The following ZBTB26 variants were observed in gnomAD, a reference collection of about 807,000 sequenced individuals.
ZBTB26 encodes zinc finger and BTB domain containing 26, also known as zinc finger and BTB domain-containing protein 26.
Under a neutral mutation model 31.6 loss-of-function variants are expected in ZBTB26, and 12 were observed. That is an observed-to-expected ratio of 0.38 (90% CI 0.24 to 0.61). ZBTB26 has a LOEUF of 0.61. Ranked by LOEUF, ZBTB26 falls within the 20% of genes least tolerant of loss-of-function variation. ZBTB26 has a pLI of 0.60. For missense variants in ZBTB26, 311 were observed against 521.9 expected (o/e 0.60, Z 3.94); for synonymous variants, 155 against 182.9 (o/e 0.85, Z 1.23).
rs1253143237 is a variant in ZBTB26, at chr9:122,916,082, A to G, written c.*2527T>C. The G allele has an allele frequency of 1.3e-5, 2 of 152,232 alleles. No individual in the cohort carries two copies. The highest frequency in any genetic ancestry group is 2.4e-5 in the African/African-American group (1 of 41,464). The allele number at this position is 152,232 out of a possible 1,614,324, so 9.4% of individuals were successfully genotyped here. A position where few individuals can be genotyped will look rare whatever the true frequency, so the allele number is the denominator to read the frequency against. ...AGAAGGAGGAAAGTGAAGTTCCACA[A>G]AAATTAGAAAAATGTCTCACAGAAA... On this transcript the variant is annotated 3_prime_UTR_variant, in exon 2 of 2. Transcript: ENST00000373656.
chr9:122,924,615 C>CTTTTTTTTTTTTTT lies in ZBTB26; in HGVS notation c.-10-4672_-10-4671insAAAAAAAAAAAAAA, dbSNP rs1554778683. Among the ~76,000 whole-genome samples, 2 of 9,366 alleles carry CTTTTTTTTTTTTTT rather than the reference C, an allele frequency of 2.1e-4. 1 individual carries two copies. The highest frequency in any genetic ancestry group is 1.3e-3 in the Non-Finnish European group (2 of 1,558). The allele number at this position is 9,366 out of a possible 152,430, so 6.1% of individuals were successfully genotyped here. A position where few individuals can be genotyped will look rare whatever the true frequency, so the allele number is the denominator to read the frequency against. Reference sequence around the variant, plus strand: ...TTGGCAATATAAAACCAAATTTCAACTTTCTTTTTTTTTTTTTTTTTTGAG... The same window carrying CTTTTTTTTTTTTTT: ...TTGGCAATATAAAACCAAATTTCAACTTTTTTTTTTTTTTTTTCTTTTTTTTTTTTTTTTTTGAG... On this transcript the variant is annotated intron_variant, in intron 1 of 1. Transcript: ENST00000373656.
In ZBTB26 at chr9:122,919,101, A is replaced by G. The variant is rs911307681; in HGVS notation, c.834T>C (p.Cys278=). 2 of 1,614,220 alleles carry G rather than the reference A, an allele frequency of 1.2e-6. No individual in the cohort carries two copies. Among genetic ancestry groups the G allele is most frequent in the Non-Finnish European group, 1.7e-6 (2 of 1,180,024 alleles). Residue 278 remains cysteine, a synonymous_variant, in exon 2 of 2, where the codon TGT becomes TGC. Transcript: ENST00000373656. The surrounding 1 kb of genome is among the most constrained non-coding windows in gnomAD (Gnocchi z 6.1). ...GLQWHHQCPK[C]TRVFRHLENY... ...TCTCCAGGTGACGAAACACCCTGGT[A>G]CACTTTGGGCACTGGTGATGCCACT...
In ZBTB26 at chr9:122,916,577, A is replaced by G. The variant is rs1293847254; in HGVS notation, c.*2032T>C. On this transcript the variant is annotated 3_prime_UTR_variant, in exon 2 of 2. Transcript: ENST00000373656. ...TGTGAAGAAATGATGTTGACAGAAA[A>G]TACCAAAAAATGCTGTTTGGTTGAC... 6.6e-6 allele frequency: 1 copy of G among 152,210 alleles called. No homozygotes were observed. Among genetic ancestry groups the G allele is most frequent in the Non-Finnish European group, 1.5e-5 (1 of 68,038 alleles). 9.4% of individuals were successfully genotyped at this position (152,210 alleles called of 1,614,324 possible). A position where few individuals can be genotyped will look rare whatever the true frequency, so the allele number is the denominator to read the frequency against.
At position 122,931,444 on chromosome 9, in the gene ZBTB26, G is replaced by A. The variant is rs751633893; in HGVS notation, c.-18C>T. On this transcript the variant is annotated 5_prime_UTR_variant, in exon 1 of 2. Coordinates refer to ENST00000373656, the MANE Select transcript of ZBTB26 (RefSeq NM_020924.4). ...GGCCGTCTCCGCACTTACAGACCCG[G>A]GGGAAGGCCGCCGTCAGGATCCGGC... 5.2e-5 allele frequency: 8 copies of A among 152,732 alleles called. No homozygotes were observed. The highest frequency in any genetic ancestry group is 8.8e-5 in the Non-Finnish European group (6 of 68,364). The allele number at this position is 152,732 out of a possible 1,614,324, so 9.5% of individuals were successfully genotyped here.
chr9:122,929,515 C>G (rs1222622640), intron 1 of ZBTB26, among the ~76,000 whole-genome samples: 1 of 152,168 alleles, frequency 6.6e-6, no homozygotes, highest in Non-Finnish European at 1.5e-5. Context: ...TGTGTAAACT[C>G]AAACCACTCT....
intron 1 of ZBTB26, among the ~76,000 whole-genome samples, chr9:122,930,364 C>T (rs984056805): frequency 2.0e-5 from 3 of 152,200 alleles, no homozygotes; most frequent in African/African-American, 7.2e-5. Flanking sequence ...ACATAATCAT[C>T]TCCAGTATAT....
chr9:122,931,113 G>A (rs1833274932), intron 1 of ZBTB26: 2 of 152,360 alleles, frequency 1.3e-5, no homozygotes, highest in Middle Eastern at 3.4e-3. Flanking sequence ...GCTGGCTCCC[G>A]AGGCTCGTTT....
At position 122,918,555 on chromosome 9, in the gene ZBTB26, T is replaced by TA. The variant is rs1833048905; in HGVS notation, c.*53dup. The TA allele has an allele frequency of 6.4e-7, 1 of 1,562,470 alleles. No individual in the cohort carries two copies. The highest frequency in any genetic ancestry group is 8.6e-7 in the Non-Finnish European group (1 of 1,157,936). ...CTAGCAAAATCACTCCTAAAAAGACTAAGACTATTGCCACATTGTCAGTCA... is the reference window on the plus strand; with the variant it reads ...CTAGCAAAATCACTCCTAAAAAGACTAAAGACTATTGCCACATTGTCAGTCA... On this transcript the variant is annotated 3_prime_UTR_variant, in exon 2 of 2. Transcript: ENST00000373656.
rs114146453 is a variant in ZBTB26, at chr9:122,918,778, T to C, written c.1157A>G (p.Asn386Ser). The C allele has an allele frequency of 3.7e-6, 6 of 1,614,228 alleles. No homozygotes were observed. Among genetic ancestry groups the C allele is most frequent in the East Asian group, 4.5e-5 (2 of 44,892 alleles). Residue 386 changes from asparagine to serine, a missense_variant, in exon 2 of 2, where the codon AAT (asparagine) becomes AGT (serine). This residue lies in a region of ZBTB26 where 49 missense variants were observed against 66.0 expected (regional missense o/e 0.74). Transcript: ENST00000373656. ...TGTGAGGTCTTGTACATTTCTCTCA[T>C]TGGCATTATCAAAGCTGTTTTTGCC... ...LHGKNSFDNA[N>S]ERNVQDLTVD...
chr9:122,928,942 C>T (rs1309627495), intron 1 of ZBTB26, among the ~76,000 whole-genome samples: 1 of 152,156 alleles, frequency 6.6e-6, no homozygotes, highest in Non-Finnish European at 1.5e-5. Flanking sequence ...AGAGAGACAA[C>T]AATAATATGG....
At chr9:122,920,056 C>A in intron 1 of ZBTB26, 112 bp from the exon 2 acceptor site, 1 of 1,248,078 alleles carries the variant, frequency 8.0e-7, no homozygotes, top group Non-Finnish European at 1.1e-6. Flanking sequence ...TTGTATGTAT[C>A]CAAATGAAAT....
intron 1 of ZBTB26, among the ~76,000 whole-genome samples, chr9:122,923,814 G>A (rs150525766): frequency 2.6e-3 from 394 of 152,246 alleles, no homozygotes; most frequent in African/African-American, 9.1e-3. Context: ...ATTTAGTCAT[G>A]TGTCATATGA....
intron 1 of ZBTB26, among the ~76,000 whole-genome samples, chr9:122,930,727 T>C (rs1833262388): frequency 6.6e-6 from 1 of 152,224 alleles, no homozygotes; most frequent in African/African-American, 2.4e-5. Flanking sequence ...ACACAAGTTA[T>C]GCTCAGTCAT....
In ZBTB26 at chr9:122,917,408, T is replaced by C. The variant is rs1833029117; in HGVS notation, c.*1201A>G. ...AATACTATTACCTAAATCTAACTCA[T>C]GGGTGAGAAACAAATAAGACTTAGA... On this transcript the variant is annotated 3_prime_UTR_variant, in exon 2 of 2. Coordinates refer to ENST00000373656, the MANE Select transcript of ZBTB26 (RefSeq NM_020924.4). The C allele has an allele frequency of 6.6e-6, 1 of 152,188 alleles. No homozygotes were observed. The highest frequency in any genetic ancestry group is 1.5e-5 in the Non-Finnish European group (1 of 68,040). 9.4% of individuals were successfully genotyped at this position (152,188 alleles called of 1,614,324 possible).
In ZBTB26 at chr9:122,919,776, T is replaced by G. The variant is rs1317689652; in HGVS notation, c.159A>C (p.Ala53=). The G allele has an allele frequency of 6.2e-7, 1 of 1,614,034 alleles. No individual in the cohort carries two copies. Among genetic ancestry groups the G allele is most frequent in the African/African-American group, 1.3e-5 (1 of 74,926 alleles). The change falls in exon 2 of 2, where the codon GCA becomes GCC. Residue 53 remains alanine (A), a synonymous_variant. Coordinates refer to ENST00000373656, the MANE Select transcript of ZBTB26 (RefSeq NM_020924.4). The surrounding 1 kb of genome is among the most constrained non-coding windows in gnomAD (Gnocchi z 6.1). ...ATTGGTCTCTTAAGAAGGGGGAACC[T>G]GCAGCAAACACAATTTTATGTCCCT... ...EVQGHKIVFA[A]GSPFLRDQFL...
chr9:122,919,272 T>G lies in ZBTB26; in HGVS notation c.663A>C (p.Ile221=). The G allele has an allele frequency of 6.2e-7, 1 of 1,614,232 alleles. No homozygotes were observed. Among genetic ancestry groups the G allele is most frequent in the Non-Finnish European group, 8.5e-7 (1 of 1,180,046 alleles). ...LHSSEPQHSL[I]NSTVENRVSE... ...TTACTCTGTTTTCCACAGTTGAATT[T>G]ATCAGGGAGTGCTGGGGCTCTGATG... is the stretch of plus-strand genomic sequence containing the variant. Residue 221 remains isoleucine (I), a synonymous_variant, in exon 2 of 2, where the codon ATA becomes ATC. Coordinates refer to ENST00000373656, the MANE Select transcript of ZBTB26 (RefSeq NM_020924.4). The surrounding 1 kb of genome is among the most constrained non-coding windows in gnomAD (Gnocchi z 6.1).
intron 1 of ZBTB26, among the ~76,000 whole-genome samples, chr9:122,928,478 CT>C (rs1332641689): frequency 6.6e-6 from 1 of 151,700 alleles, no homozygotes; most frequent in Non-Finnish European, 1.5e-5. Flanking sequence ...CGGCCTAGTT[CT>C]TTTTTTTGAA....
rs1020221756 is a variant in ZBTB26, at chr9:122,917,545, C to G, written c.*1064G>C. On this transcript the variant is annotated 3_prime_UTR_variant, in exon 2 of 2. Transcript: ENST00000373656. ...AAAGGCAGCAAGGTGGCACAGTGTACCTTTAAGAGGTATCTGAATACAGAA... is the reference window on the plus strand; with the variant it reads ...AAAGGCAGCAAGGTGGCACAGTGTAGCTTTAAGAGGTATCTGAATACAGAA... The G allele has an allele frequency of 2.0e-5, 3 of 150,604 alleles. No individual in the cohort carries two copies. The highest frequency in any genetic ancestry group is 4.5e-5 in the Non-Finnish European group (3 of 66,830). 9.3% of individuals were successfully genotyped at this position (150,604 alleles called of 1,614,324 possible).
chr9:122,927,951 C>T, intron 1 of ZBTB26, among the ~76,000 whole-genome samples: 1 of 151,976 alleles, frequency 6.6e-6, no homozygotes, highest in East Asian at 1.9e-4. Context: ...TCTCCTGCCT[C>T]AGCCTCCTGA....
Sources: allele counts gnomAD v4.1 joint callset (sites outside exome capture counted in the v4.1 genomes callset), GRCh38; gene constraint gnomAD v4.1.1; regional missense constraint gnomAD v4.1.1; non-coding constraint Gnocchi (gnomAD v3.1); transcripts MANE v1.5; gene names NCBI Gene and HGNC (gene_info 2026-07-23, HGNC 2026-07-21).